Variants in ZNF536 observed in about 807,000 individuals in gnomAD.
ZNF536 encodes the protein zinc finger protein 536.
Under a neutral mutation model 84.5 loss-of-function variants are expected in ZNF536, and 13 were observed. That is an observed-to-expected ratio of 0.15 (90% CI 0.10 to 0.24). ZNF536 has a LOEUF of 0.24. Among genes scored for constraint, ZNF536 ranks in the 10% least tolerant of loss-of-function variants. The probability of loss-of-function intolerance (pLI) is 1.00; values close to 1 mark genes in which losing one functional copy is unlikely to be tolerated. For synonymous variants in ZNF536, 811 were observed against 742.5 expected, an observed-to-expected ratio of 1.09 and a Z score of -1.50; for missense variants, 1,536 against 1,747.5, an observed-to-expected ratio of 0.88 and a Z score of 2.16.
intron 1 of ZNF536, among the ~76,000 whole-genome samples, chr19:30,264,207 C>G (rs1568542087): frequency 6.6e-6 from 1 of 152,152 alleles, no homozygotes; most frequent in Non-Finnish European, 1.5e-5. Flanking sequence ...TGCCCTCTAT[C>G]CCCATCAGTA....
upstream of ZNF536, among the ~76,000 whole-genome samples, chr19:30,227,234 G>A (rs2022662637): frequency 6.6e-6 from 1 of 152,170 alleles, no homozygotes; most frequent in African/African-American, 2.4e-5. Context: ...ACTCCGGCAG[G>A]GCTTTCTTTG....
intron 1 of ZNF536, among the ~76,000 whole-genome samples, chr19:30,706,356 G>A (rs924917836): frequency 5.9e-5 from 9 of 152,112 alleles, no homozygotes; most frequent in African/African-American, 1.7e-4. Context: ...TCGTGGTGGC[G>A]GGTGCGTGTA....
chr19:30,334,891 C>T (rs967531917), intron 2 of ZNF536, among the ~76,000 whole-genome samples: 1 of 152,192 alleles, frequency 6.6e-6, no homozygotes, highest in African/African-American at 2.4e-5. Flanking sequence ...CTTGCATGCG[C>T]AGTTCACAAG....
At chr19:30,449,655 T>A (rs1434564576) in intron 2 of ZNF536, among the ~76,000 whole-genome samples, 1 of 152,196 alleles carries the variant, frequency 6.6e-6, no homozygotes, top group Non-Finnish European at 1.5e-5. Context: ...TTAAATAAAG[T>A]CGGCTAAGTT....
intron 1 of ZNF536, among the ~76,000 whole-genome samples, chr19:30,430,369 G>A (rs1166630318): frequency 3.9e-5 from 6 of 152,190 alleles, no homozygotes; most frequent in Admixed American, 3.9e-4. Context: ...CCCTGTGCCT[G>A]GCTCTGTGTT....
At chr19:30,508,179 A>G (rs2055251060) in intron 2 of ZNF536, among the ~76,000 whole-genome samples, 1 of 152,150 alleles carries the variant, frequency 6.6e-6, no homozygotes, top group East Asian at 1.9e-4. Context: ...GCCTTTTACC[A>G]TTCACCGATT....
chr19:30,712,622 G>C (rs953167743), exon 2 of ZNF536: 1 of 152,196 alleles, frequency 6.6e-6, no homozygotes, highest in African/African-American at 2.4e-5. Context: ...TGCATATGCT[G>C]TCAAAAGGGT....
intron 1 of ZNF536, among the ~76,000 whole-genome samples, chr19:30,679,813 G>A (rs1337761781): frequency 2.6e-5 from 4 of 152,240 alleles, no homozygotes; most frequent in Non-Finnish European, 5.9e-5. Flanking sequence ...CTGGAAAATT[G>A]AGAGAAATTG....
At chr19:30,555,767 C>T (rs915059237) in intron 4 of ZNF536, 1 of 152,208 alleles carries the variant, frequency 6.6e-6, no homozygotes, top group South Asian at 2.1e-4. Flanking sequence ...GTACATTTTT[C>T]ATCTTGTGCA....
intron 1 of ZNF536, among the ~76,000 whole-genome samples, chr19:30,682,356 C>A (rs577242099): frequency 3.1e-4 from 47 of 152,250 alleles, no homozygotes; most frequent in African/African-American, 1.1e-3. Context: ...ATGTACCGTT[C>A]GAATTGGTTT....
intron 1 of ZNF536, among the ~76,000 whole-genome samples, chr19:30,239,522 C>A (rs972666983): frequency 6.6e-6 from 1 of 152,164 alleles, no homozygotes; most frequent in Non-Finnish European, 1.5e-5. Context: ...GTTGGAGAAT[C>A]GACAGTCATG....
At chr19:30,312,967 C>T (rs1464819007) in intron 2 of ZNF536, among the ~76,000 whole-genome samples, 2 of 152,242 alleles carry the variant, frequency 1.3e-5, no homozygotes, top group Non-Finnish European at 2.9e-5. Flanking sequence ...CCCCAGACAT[C>T]ATGATGGCCA....
intron 2 of ZNF536, among the ~76,000 whole-genome samples, chr19:30,318,071 G>T (rs1158785516): frequency 1.3e-5 from 2 of 152,328 alleles, no homozygotes; most frequent in Admixed American, 6.5e-5. Flanking sequence ...TGGCAGAACG[G>T]CCAAGTGTCG....
intron 1 of ZNF536, among the ~76,000 whole-genome samples, chr19:30,626,479 G>A (rs2048684327): frequency 6.6e-6 from 1 of 152,108 alleles, no homozygotes; most frequent in Non-Finnish European, 1.5e-5. Context: ...TGAGAAAGCT[G>A]GCATCGGCCA....
chr19:30,545,824 C>T (rs2045530481), intron 3 of ZNF536, among the ~76,000 whole-genome samples: 1 of 152,220 alleles, frequency 6.6e-6, no homozygotes, highest in African/African-American at 2.4e-5. Flanking sequence ...CCACCTTCCC[C>T]CTCTTTAGCT....
At chr19:30,648,573 G>C (rs1403637137) in intron 1 of ZNF536, among the ~76,000 whole-genome samples, 1 of 152,114 alleles carries the variant, frequency 6.6e-6, no homozygotes, top group Non-Finnish European at 1.5e-5. Flanking sequence ...AACAGCATCA[G>C]CCAACGTTTC....
At chr19:30,510,874 T>A (rs963504017) in intron 2 of ZNF536, among the ~76,000 whole-genome samples, 3 of 152,216 alleles carry the variant, frequency 2.0e-5, no homozygotes. Context: ...GAGATGCTGA[T>A]CAGCATTGTA....
chr19:30,617,362 T>TTTTTTTTTTTTTTTTTTG (rs1568607054), intron 1 of ZNF536, among the ~76,000 whole-genome samples: 2 of 112,180 alleles, frequency 1.8e-5, no homozygotes, highest in Non-Finnish European at 3.5e-5. Context: ...TTTTTTTTTT[T>TTTTTTTTTTTTTTTTTTG]TTTTATGAGA....
chr19:30,530,700 T>A (rs2145870042), intron 2 of ZNF536, among the ~76,000 whole-genome samples: 1 of 152,300 alleles, frequency 6.6e-6, no homozygotes, highest in Admixed American at 6.5e-5. Context: ...AAAGGGCTGG[T>A]CTGTCTGCAA....
Sources: gnomAD v4.1 joint callset for allele counts (sites outside exome capture counted in the v4.1 genomes callset) on GRCh38, gnomAD v4.1.1 for gene constraint, MANE v1.5 for transcripts, NCBI Gene and HGNC (gene_info 2026-07-23, HGNC 2026-07-21) for gene names.